ATP13A5: variants seen among roughly 807,000 people sequenced by gnomAD.
ATP13A5 encodes the protein probable cation-transporting ATPase 13A5.
In ATP13A5, 149 loss-of-function variants were observed where a neutral mutation model predicts 150.2. The observed-to-expected ratio is 0.99, with a 90% CI of 0.87 to 1.14. ATP13A5 has a LOEUF of 1.14. ATP13A5 is among the 50% of genes most tolerant of loss of function. The pLI is 0.00. For synonymous variants in ATP13A5, 497 were observed against 522.2 expected (o/e 0.95, Z 0.66); for missense variants, 1,383 against 1,449.3 (o/e 0.95, Z 0.74).
intron 16 of ATP13A5, among the ~76,000 whole-genome samples, chr3:193,320,142 C>A (rs1348606289): frequency 1.3e-5 from 2 of 152,174 alleles, no homozygotes; most frequent in African/African-American, 4.8e-5. Context: ...GCTTAGGTGG[C>A]AAATCAACTA....
intron 5 of ATP13A5, among the ~76,000 whole-genome samples, chr3:193,354,671 C>T (rs1712707642): frequency 1.3e-5 from 2 of 151,736 alleles, no homozygotes; most frequent in South Asian, 4.2e-4. Flanking sequence ...ACTGAATGAA[C>T]GAGCAAATGA....
intron 17 of ATP13A5, among the ~76,000 whole-genome samples, chr3:193,318,585 CA>C (rs1045691316): frequency 3.3e-5 from 5 of 152,176 alleles, no homozygotes; most frequent in African/African-American, 1.2e-4. Context: ...CAAAATCTTT[CA>C]AAGTGCCAAC....
intron 14 of ATP13A5, chr3:193,323,912 T>C (rs1051736710): frequency 6.6e-6 from 1 of 152,206 alleles, no homozygotes; most frequent in Non-Finnish European, 1.5e-5. Context: ...TGTACTGTAT[T>C]TTATACATCA....
At chr3:193,371,875 T>A (rs766369920) in intron 1 of ATP13A5, among the ~76,000 whole-genome samples, 32 of 152,124 alleles carry the variant, frequency 2.1e-4, no homozygotes, top group Admixed American at 6.5e-4. Context: ...CCTTTTTCCA[T>A]AGAACATAAT....
intron 1 of ATP13A5, among the ~76,000 whole-genome samples, chr3:193,370,555 C>A (rs942325463): frequency 2.6e-5 from 4 of 152,118 alleles, no homozygotes; most frequent in Non-Finnish European, 5.9e-5. Context: ...CTTTGGCAAC[C>A]CACTTTACTT....
chr3:193,375,279 G>T (rs1435207429), intron 1 of ATP13A5, among the ~76,000 whole-genome samples: 1 of 152,178 alleles, frequency 6.6e-6, no homozygotes, highest in East Asian at 1.9e-4. Flanking sequence ...GTAGGTATTA[G>T]AGAGGTCAAA....
At position 193,279,465 on chromosome 3, in the gene ATP13A5, A is replaced by C; in HGVS notation, c.3227-11T>G. The C allele has an allele frequency of 1.2e-6, 2 of 1,601,484 alleles. No homozygotes were observed. Among genetic ancestry groups the C allele is most frequent in the Non-Finnish European group, 1.7e-6 (2 of 1,168,962 alleles). On this transcript the variant is annotated splice_polypyrimidine_tract_variant and intron_variant, in intron 27 of 29. Transcript: ENST00000342358. The stretch of plus-strand genomic sequence containing the variant: ...GAAATGAAAATATATCTGAGGAAAT[A>C]CCAAACATTATTTTTAGATGTTAAA...
chr3:193,309,261 C>G (rs1718745811), intron 21 of ATP13A5, among the ~76,000 whole-genome samples: 1 of 152,196 alleles, frequency 6.6e-6, no homozygotes, highest in African/African-American at 2.4e-5. Context: ...GCTATTTCAC[C>G]TCTTGCTAAG....
At chr3:193,289,770 C>T (rs373523391) in intron 26 of ATP13A5, 115 bp downstream of exon 26, 197 of 1,012,692 alleles carry the variant, frequency 1.9e-4, no homozygotes, top group South Asian at 9.9e-4. Flanking sequence ...AGTTTTGCAG[C>T]GACACAATTT....
intron 6 of ATP13A5, among the ~76,000 whole-genome samples, chr3:193,353,251 GAAGCACAGA>G (rs145754940): frequency 0.12 from 17,555 of 150,962 alleles, 1,299 homozygotes; most frequent in Non-Finnish European, 0.15. Flanking sequence ...AGCCATCAAA[GAAGCACAGA>G]AAGCACAGAG....
intron 26 of ATP13A5, among the ~76,000 whole-genome samples, chr3:193,287,842 C>T (rs1010200864): frequency 2.0e-5 from 3 of 151,968 alleles, no homozygotes; most frequent in Admixed American, 6.6e-5. Flanking sequence ...AAATTGAAAA[C>T]CTTCTGGAAA....
intron 5 of ATP13A5, among the ~76,000 whole-genome samples, chr3:193,361,740 C>A (rs1713013320): frequency 6.6e-6 from 1 of 152,210 alleles, no homozygotes; most frequent in Non-Finnish European, 1.5e-5. Flanking sequence ...AGGTACCAAT[C>A]TCATGATTGT....
intron 1 of ATP13A5, among the ~76,000 whole-genome samples, chr3:193,377,617 A>G (rs1411419328): frequency 2.6e-5 from 4 of 152,200 alleles, no homozygotes; most frequent in African/African-American, 9.6e-5. Context: ...ATGAAATCAT[A>G]TGTTTTCCTT....
At chr3:193,331,595 T>G (rs1169738941) in intron 11 of ATP13A5, among the ~76,000 whole-genome samples, 1 of 152,090 alleles carries the variant, frequency 6.6e-6, no homozygotes, top group African/African-American at 2.4e-5. Flanking sequence ...ACCTTATTGA[T>G]CTCTAGATAC....
At chr3:193,321,373 A>T (rs546689043) in intron 16 of ATP13A5, among the ~76,000 whole-genome samples, 1 of 152,272 alleles carries the variant, frequency 6.6e-6, no homozygotes, top group South Asian at 2.1e-4. Context: ...GCTCACACCT[A>T]TAATCCCAGC....
chr3:193,282,744 A>G (rs1717554854), intron 27 of ATP13A5, among the ~76,000 whole-genome samples: 1 of 152,242 alleles, frequency 6.6e-6, no homozygotes, highest in Non-Finnish European at 1.5e-5. Flanking sequence ...ATTTGCTAAG[A>G]GACCTTAACA....
intron 13 of ATP13A5, among the ~76,000 whole-genome samples, chr3:193,325,900 G>A (rs1453648986): frequency 6.6e-6 from 1 of 152,178 alleles, no homozygotes; most frequent in Non-Finnish European, 1.5e-5. Context: ...GGTGGAAACT[G>A]TGGACATCTT....
intron 23 of ATP13A5, among the ~76,000 whole-genome samples, chr3:193,303,665 G>A (rs1000088605): frequency 2.6e-5 from 4 of 151,942 alleles, no homozygotes; most frequent in African/African-American, 7.3e-5. Flanking sequence ...AAAAGAAGAC[G>A]TGAGGTAGCA....
At chr3:193,355,513 G>C (rs1232230653) in intron 5 of ATP13A5, among the ~76,000 whole-genome samples, 1 of 152,086 alleles carries the variant, frequency 6.6e-6, no homozygotes. Context: ...TCTCACTGAG[G>C]TATAACAGAG....
Sources: gnomAD v4.1 joint callset for allele counts (sites outside exome capture counted in the v4.1 genomes callset) on GRCh38, gnomAD v4.1.1 for gene constraint, MANE v1.5 for transcripts, NCBI Gene and HGNC (gene_info 2026-07-23, HGNC 2026-07-21) for gene names.